Variants in FER1L6 observed in about 807,000 individuals in gnomAD.
The protein encoded by FER1L6 is fer-1 like family member 6, also known as fer-1-like protein 6.
FER1L6 carries 177 observed loss-of-function variants against 219.2 expected under a neutral mutation model. That is an observed-to-expected ratio of 0.81 (90% confidence interval 0.71 to 0.91). FER1L6 has a LOEUF of 0.91. FER1L6 is among the 40% of genes least tolerant of loss of function. The pLI, the probability that FER1L6 is intolerant of heterozygous loss-of-function variation, is 0.00. For missense variants in FER1L6, 2,153 were observed against 2,259.9 expected (o/e 0.95, Z 0.96); for synonymous variants, 768 against 824.3 (o/e 0.93, Z 1.17).
chr8:124,060,268 T>C lies in FER1L6; in HGVS notation c.2963T>C (p.Val988Ala). 6.2e-7 allele frequency: 1 copy of C among 1,614,142 alleles called. No homozygotes were observed. Among genetic ancestry groups the C allele is most frequent in the Non-Finnish European group, 8.5e-7 (1 of 1,180,004 alleles). The change falls in exon 23 of 41, where the codon GTG becomes GCG. Residue 988 changes from valine (V) to alanine (A), a missense_variant. Physicochemically the swap from Val to Ala is moderately conservative, Grantham distance 64. Transcript: ENST00000522917. ...IYPVPANIRP[V>A]LSKYRVEVLF... ...CCGGTTCCTGCCAACATTCGGCCGG[T>C]GCTGAGCAAATACCGAGTGGAGGTA...
intron 2 of FER1L6, among the ~76,000 whole-genome samples, chr8:123,956,391 T>A (rs2130130458): frequency 6.6e-6 from 1 of 152,328 alleles, no homozygotes; most frequent in South Asian, 2.1e-4. Flanking sequence ...TTCTCCTTTA[T>A]CTAATGTAAT....
chr8:123,897,699 A>G (rs1467315097), intron 1 of FER1L6, among the ~76,000 whole-genome samples: 1 of 152,354 alleles, frequency 6.6e-6, no homozygotes, highest in Middle Eastern at 3.4e-3. Flanking sequence ...TAATCAATGT[A>G]AGAATACATC....
chr8:123,943,608 C>T (rs570912354), intron 1 of FER1L6, among the ~76,000 whole-genome samples: 2 of 152,264 alleles, frequency 1.3e-5, no homozygotes, highest in Non-Finnish European at 2.9e-5. Flanking sequence ...CCTGCTGGGC[C>T]GACCTCCTGG....
At chr8:124,103,460 A>G in intron 39 of FER1L6, 151 bp downstream of exon 39, 2 of 726,132 alleles carry the variant, frequency 2.8e-6, no homozygotes, top group South Asian at 4.2e-5. Flanking sequence ...GAATTTTTAA[A>G]GCTTTATAAA....
chr8:123,930,697 G>C (rs553536824), intron 1 of FER1L6, among the ~76,000 whole-genome samples: 1 of 152,294 alleles, frequency 6.6e-6, no homozygotes, highest in Middle Eastern at 3.4e-3. Context: ...CTTTAAAATA[G>C]GGATGACACT....
chr8:123,882,608 T>C (rs141117093), intron 1 of FER1L6, among the ~76,000 whole-genome samples: 1 of 151,860 alleles, frequency 6.6e-6, no homozygotes, highest in African/African-American at 2.4e-5. Flanking sequence ...ATAAACAAAA[T>C]ACAAAAATAA....
intron 11 of FER1L6, among the ~76,000 whole-genome samples, chr8:123,982,632 C>T (rs1160901746): frequency 6.6e-6 from 1 of 152,162 alleles, no homozygotes; most frequent in Non-Finnish European, 1.5e-5. Flanking sequence ...CTTAAAACAA[C>T]AAACATTTAT....
chr8:123,905,342 G>C (rs1812932455), intron 1 of FER1L6, among the ~76,000 whole-genome samples: 1 of 152,112 alleles, frequency 6.6e-6, no homozygotes, highest in Admixed American at 6.6e-5. Context: ...TTGGTTTTCT[G>C]TTCCTGTGTT....
At chr8:123,997,655 C>T (rs1373465095) in intron 12 of FER1L6, among the ~76,000 whole-genome samples, 1 of 152,040 alleles carries the variant, frequency 6.6e-6, no homozygotes, top group African/African-American at 2.4e-5. Flanking sequence ...TCAGATTTGC[C>T]CTTTAGAGGT....
At chr8:124,107,419 T>G (rs1416653196) in intron 39 of FER1L6, among the ~76,000 whole-genome samples, 2 of 152,172 alleles carry the variant, frequency 1.3e-5, no homozygotes, top group Non-Finnish European at 2.9e-5. Context: ...TAGATTTTAA[T>G]GGCAAGGGGA....
Position 123,955,997 on chromosome 8 carries a change from G to A in FER1L6, c.-2G>A, listed in dbSNP as rs879049057. 2.5e-6 allele frequency: 4 copies of A among 1,610,288 alleles called. No homozygotes were observed. In the East Asian group the frequency reaches 6.7e-5, roughly 27 times the overall value. ...TTTTTTTTTCTTCTTTTCAGAAAGG[G>A]GATGTTTGGGCTGAAGGTGAAGAAG... On this transcript the variant is annotated 5_prime_UTR_variant, in exon 2 of 41. Coordinates refer to ENST00000522917, the MANE Select transcript of FER1L6 (RefSeq NM_001039112.2).
intron 33 of FER1L6, among the ~76,000 whole-genome samples, chr8:124,088,269 T>C (rs1259039539): frequency 6.6e-6 from 1 of 152,032 alleles, no homozygotes; most frequent in Non-Finnish European, 1.5e-5. Flanking sequence ...GTCCTTCCCC[T>C]TTCCTCAAGC....
chr8:123,938,034 A>C (rs549944834), intron 1 of FER1L6, among the ~76,000 whole-genome samples: 4 of 152,210 alleles, frequency 2.6e-5, no homozygotes, highest in Non-Finnish European at 5.9e-5. Flanking sequence ...CTGATCAGTG[A>C]AGTGTTTGCT....
chr8:123,979,295 T>A (rs539784717), intron 10 of FER1L6, among the ~76,000 whole-genome samples: 1 of 152,290 alleles, frequency 6.6e-6, no homozygotes, highest in East Asian at 1.9e-4. Flanking sequence ...TTTTGAGAAA[T>A]AAAATGCCAT....
chr8:123,912,544 G>GTT (rs34723718), intron 1 of FER1L6, among the ~76,000 whole-genome samples: 17 of 151,834 alleles, frequency 1.1e-4, no homozygotes, highest in African/African-American at 2.9e-4. Context: ...GAGCATTGAG[G>GTT]TTTTTTTGGC....
At chr8:123,913,343 C>T (rs1813095030) in intron 1 of FER1L6, among the ~76,000 whole-genome samples, 1 of 150,180 alleles carries the variant, frequency 6.7e-6, no homozygotes, top group East Asian at 2.0e-4. Context: ...CACACACACA[C>T]ATATATATTT....
chr8:123,910,479 C>G (rs1554614397), intron 1 of FER1L6, among the ~76,000 whole-genome samples: 1 of 152,208 alleles, frequency 6.6e-6, no homozygotes, highest in Non-Finnish European at 1.5e-5. Context: ...GTCCCATCCT[C>G]TGTGTGGCCA....
chr8:124,046,310 A>C, intron 21 of FER1L6: 1 of 156,960 alleles, frequency 6.4e-6, no homozygotes, highest in Admixed American at 6.3e-5. Context: ...CCCTGGCTGA[A>C]AAGAAATGGA....
chr8:124,106,786 C>G (rs1304026261), intron 39 of FER1L6, among the ~76,000 whole-genome samples: 5 of 152,068 alleles, frequency 3.3e-5, no homozygotes, highest in Admixed American at 6.6e-5. Context: ...CTACTGTCAG[C>G]AATTTGAGTC....
Sources: gnomAD v4.1 joint callset for allele counts (sites outside exome capture counted in the v4.1 genomes callset) on GRCh38, gnomAD v4.1.1 for gene constraint, MANE v1.5 for transcripts, NCBI Gene and HGNC (gene_info 2026-07-23, HGNC 2026-07-21) for gene names.